PDLIM4: variants seen among roughly 807,000 people sequenced by gnomAD.
PDLIM4 encodes PDZ and LIM domain protein 4.
A neutral mutation model predicts 31.3 loss-of-function variants in PDLIM4; 19 were observed. The ratio of observed to expected loss-of-function variants is 0.61; its 90% CI spans 0.42 to 0.89. PDLIM4 has a LOEUF of 0.89. PDLIM4 is among the 40% of genes least tolerant of loss of function. PDLIM4 has a pLI of 0.00. For missense variants in PDLIM4, 442 were observed against 461.1 expected (o/e 0.96, Z 0.38); for synonymous variants, 176 against 190.1 (o/e 0.93, Z 0.61).
intron 1 of PDLIM4, among the ~76,000 whole-genome samples, chr5:132,259,486 T>A (rs1336829895): frequency 6.6e-6 from 1 of 152,022 alleles, no homozygotes; most frequent in Non-Finnish European, 1.5e-5. Flanking sequence ...GCCTCCTTTG[T>A]CCCCCAAAGT....
Position 132,272,395 on chromosome 5 carries a change from C to T in PDLIM4, c.*166C>T, listed in dbSNP as rs1561524752. ...GCATGGCTCCCGAGTACAGTAGTAT[C>T]TGCTTAGGTGCCAGGCATGTCCTAG... On this transcript the variant is annotated 3_prime_UTR_variant, in exon 7 of 7. Coordinates refer to ENST00000253754, the MANE Select transcript of PDLIM4 (RefSeq NM_003687.4). The T allele has an allele frequency of 2.2e-5, 14 of 643,880 alleles. No individual in the cohort carries two copies. The East Asian group carries it at 3.8e-4, about 18-fold the overall frequency. 39.9% of individuals were successfully genotyped at this position (643,880 alleles called of 1,614,324 possible). A position where few individuals can be genotyped will look rare whatever the true frequency, so the allele number is the denominator to read the frequency against.
At position 132,260,999 on chromosome 5, in the gene PDLIM4, G is replaced by A. The variant is rs1389414554; in HGVS notation, c.94-1610G>A. ...CTGAAGAAAGACTCCTCTCCAGTGTGGGGACTGGGGCATGGCATCCCTCCC... is the reference window on the plus strand; with the variant it reads ...CTGAAGAAAGACTCCTCTCCAGTGTAGGGACTGGGGCATGGCATCCCTCCC... On this transcript the variant is annotated intron_variant, in intron 1 of 6. Transcript: ENST00000253754. Among the ~76,000 whole-genome samples the A allele has an allele frequency of 2.0e-5, 3 of 152,326 alleles. No homozygotes were observed. In the East Asian group the frequency reaches 5.8e-4, roughly 29 times the overall value.
intron 2 of PDLIM4, among the ~76,000 whole-genome samples, 185 bp downstream of exon 2, chr5:132,262,945 G>A (rs76482372): frequency 0.017 from 2,544 of 152,296 alleles, 78 homozygotes; most frequent in African/African-American, 0.057. Context: ...TAGAGTTATA[G>A]CTTAAGAAGG....
intron 3 of PDLIM4, 64 bp from the exon 4 acceptor site, chr5:132,270,851 G>T (rs1580803416): frequency 7.0e-7 from 1 of 1,428,578 alleles, no homozygotes; most frequent in East Asian, 2.3e-5. Context: ...GGGTGGGGGT[G>T]GGGTGAACAA....
chr5:132,258,712 G>A (rs554694335), intron 1 of PDLIM4, among the ~76,000 whole-genome samples: 2 of 152,238 alleles, frequency 1.3e-5, no homozygotes, highest in Non-Finnish European at 2.9e-5. Flanking sequence ...CAGCCTAAGG[G>A]ACAGAAGAGG....
intron 2 of PDLIM4, among the ~76,000 whole-genome samples, chr5:132,266,024 G>C (rs139790810): frequency 2.0e-5 from 3 of 152,110 alleles, no homozygotes; most frequent in Non-Finnish European, 4.4e-5. Context: ...CCCCAGAGCC[G>C]ACGGACGCCT....
chr5:132,271,298 C>T lies in PDLIM4; in HGVS notation c.507-5C>T. ...CTTCCTCCTCTATTTCTTTCTCCCT[C>T]CCAGCGCTGACCCAGCCAGAGGCCT... On this transcript the variant is annotated splice_region_variant and splice_polypyrimidine_tract_variant and intron_variant, in intron 4 of 6. Transcript: ENST00000253754. 6.3e-7 allele frequency: 1 copy of T among 1,591,194 alleles called. No homozygotes were observed. The highest frequency in any genetic ancestry group is 8.5e-7 in the Non-Finnish European group (1 of 1,169,648).
chr5:132,263,244 G>A (rs562975561), intron 2 of PDLIM4, among the ~76,000 whole-genome samples: 3 of 152,284 alleles, frequency 2.0e-5, no homozygotes, highest in African/African-American at 7.2e-5. Flanking sequence ...GAGAGGGAGT[G>A]GGGTAGCAAA....
Position 132,271,886 on chromosome 5 carries a change from A to C in PDLIM4, c.766A>C (p.Thr256Pro). The change falls in exon 6 of 7, where the codon ACG becomes CCG. Residue 256 changes from threonine (T) to proline (P), a missense_variant. By Grantham distance (38) the Thr-to-Pro change is conservative (BLOSUM62 -1). Coordinates refer to ENST00000253754, the MANE Select transcript of PDLIM4 (RefSeq NM_003687.4). ...LSGLQGLPECTRCGHGIVGTI... is the reference protein window; with the variant it reads ...LSGLQGLPECPRCGHGIVGTI... ...CGGCCTGCAGGGGCTGCCCGAGTGCACGCGCTGCGGCCACGGCATCGTGTG... is the reference window on the plus strand; with the variant it reads ...CGGCCTGCAGGGGCTGCCCGAGTGCCCGCGCTGCGGCCACGGCATCGTGTG... 1.2e-6 allele frequency: 2 copies of C among 1,608,764 alleles called. No individual in the cohort carries two copies. The highest frequency in any genetic ancestry group is 1.7e-6 in the Non-Finnish European group (2 of 1,177,170).
At position 132,271,388 on chromosome 5, in the gene PDLIM4, G is replaced by C. The variant is rs1170539135; in HGVS notation, c.592G>C (p.Ala198Pro). The change falls in exon 5 of 7, where the codon GCC becomes CCC. Residue 198 changes from alanine (A) to proline (P), a missense_variant. Ala to Pro is a conservative substitution (Grantham distance 27, BLOSUM62 -1). Transcript: ENST00000253754. ...GGTGTACAGGATGCTGCGGGAGCCA[G>C]CCGAGCCCGTGGCCGCGGAGCCCAA... is the stretch of plus-strand genomic sequence containing the variant. ...SEVYRMLREP[A>P]EPVAAEPKQS... 1 of 1,607,442 alleles carries C rather than the reference G, an allele frequency of 6.2e-7. No individual in the cohort carries two copies. Among genetic ancestry groups the C allele is most frequent in the African/African-American group, 1.3e-5 (1 of 74,912 alleles).
chr5:132,271,239 C>T (rs1756602963), intron 4 of PDLIM4, 64 bp from the exon 5 acceptor site: 2 of 1,534,966 alleles, frequency 1.3e-6, no homozygotes, highest in Non-Finnish European at 1.8e-6. Context: ...TTACCAGACC[C>T]CAAGTCCACA....
rs762507226 is a variant in PDLIM4 at position 132,271,900 on chromosome 5, C to G, written c.780C>G (p.His260Gln). 2 of 1,606,346 alleles carry G rather than the reference C, an allele frequency of 1.2e-6. No homozygotes were observed. Residue 260 changes from histidine to glutamine, a missense_variant, in exon 6 of 7, where the codon CAC becomes CAG. Physicochemically the swap from His to Gln is conservative, Grantham distance 24. Transcript: ENST00000253754. ...QGLPECTRCG[H>Q]GIVGTIVKAR... ...TGCCCGAGTGCACGCGCTGCGGCCACGGCATCGTGTGAGTAACCGCCCCCG... is the reference window on the plus strand; with the variant it reads ...TGCCCGAGTGCACGCGCTGCGGCCAGGGCATCGTGTGAGTAACCGCCCCCG...
intron 1 of PDLIM4, among the ~76,000 whole-genome samples, chr5:132,259,168 T>TGTGTGTGTGTGTGC (rs199528321): frequency 6.9e-6 from 1 of 144,374 alleles, no homozygotes; most frequent in Non-Finnish European, 1.5e-5. Flanking sequence ...TGTGTGTGTG[T>TGTGTGTGTGTGTGC]ACGCAAGCCT....
intron 1 of PDLIM4, among the ~76,000 whole-genome samples, chr5:132,262,327 A>G (rs1247247499): frequency 6.6e-6 from 1 of 152,174 alleles, no homozygotes; most frequent in Admixed American, 6.5e-5. Flanking sequence ...GCACATACGC[A>G]GGCTGCAAGA....
At position 132,271,301 on chromosome 5, in the gene PDLIM4, A is replaced by G; in HGVS notation, c.507-2A>G. 1 of 1,591,718 alleles carries G rather than the reference A, an allele frequency of 6.3e-7. No individual in the cohort carries two copies. The highest frequency in any genetic ancestry group is 8.5e-7 in the Non-Finnish European group (1 of 1,169,944). On this transcript the variant is annotated splice_acceptor_variant, in intron 4 of 6. Coordinates refer to ENST00000253754, the MANE Select transcript of PDLIM4 (RefSeq NM_003687.4). LOFTEE classifies it high-confidence loss of function. ...CCTCCTCTATTTCTTTCTCCCTCCC[A>G]GCGCTGACCCAGCCAGAGGCCTCCC...
Position 132,272,325 on chromosome 5 carries a change from A to G in PDLIM4, c.*96A>G. 2 of 1,027,788 alleles carry G rather than the reference A, an allele frequency of 1.9e-6. No individual in the cohort carries two copies. Among genetic ancestry groups the G allele is most frequent in the Non-Finnish European group, 2.9e-6 (2 of 681,014 alleles). The allele number at this position is 1,027,788 out of a possible 1,614,324, so 63.7% of individuals were successfully genotyped here. On this transcript the variant is annotated 3_prime_UTR_variant, in exon 7 of 7. Coordinates refer to ENST00000253754, the MANE Select transcript of PDLIM4 (RefSeq NM_003687.4). ...CCCTCTAATAAAGCTCCTCTGCTCC[A>G]CCTTGAACCTGTCACCTGGCCTGCC...
intron 3 of PDLIM4, 121 bp from the exon 4 acceptor site, chr5:132,270,794 G>T: frequency 2.4e-6 from 2 of 849,442 alleles, no homozygotes; most frequent in South Asian, 1.5e-5. Flanking sequence ...CAGAGATGCC[G>T]AAGCAGAGGA....
intron 3 of PDLIM4, among the ~76,000 whole-genome samples, chr5:132,267,310 A>G (rs922201643): frequency 1.3e-5 from 2 of 152,206 alleles, no homozygotes; most frequent in Non-Finnish European, 2.9e-5. Flanking sequence ...CATGAAAGAA[A>G]AGGGGCCAAG....
At chr5:132,271,252 G>C (rs769568593) in intron 4 of PDLIM4, 51 bp from the exon 5 acceptor site, 1 of 1,552,692 alleles carries the variant, frequency 6.4e-7, no homozygotes, top group Non-Finnish European at 8.7e-7. Flanking sequence ...AGTCCACAGG[G>C]TGAAGGCTGG....
Sources: gnomAD v4.1 joint callset for allele counts (sites outside exome capture counted in the v4.1 genomes callset) on GRCh38, gnomAD v4.1.1 for gene constraint, MANE v1.5 for transcripts, NCBI Gene and HGNC (gene_info 2026-07-23, HGNC 2026-07-21) for gene names.